GON4L: variants seen among roughly 807,000 people sequenced by gnomAD.
GON4L encodes the protein gon-4 like.
In GON4L, 87 loss-of-function variants were observed where a neutral mutation model predicts 211.8. The observed-to-expected ratio is 0.41, with a 90% CI of 0.35 to 0.49. The LOEUF is 0.49. GON4L is among the 20% of genes least tolerant of loss of function. GON4L has a pLI of 0.15. For missense variants in GON4L, 2,155 were observed against 2,659.5 expected (o/e 0.81, Z 4.17); for synonymous variants, 875 against 962.6 (o/e 0.91, Z 1.68).
rs376326725 is a variant in GON4L at position 155,762,414 on chromosome 1, C to A, written c.4727-40G>T. 28 of 1,527,840 alleles carry A rather than the reference C, an allele frequency of 1.8e-5. No individual in the cohort carries two copies. The African/African-American group carries it at 3.1e-4, about 17-fold the overall frequency. 94.6% of individuals were successfully genotyped at this position (1,527,840 alleles called of 1,614,324 possible). ...GAAAAGGATTGTTTCCCTGTCCCTG[C>A]AACCTGTGTTCTTCCCATTCCACCA... On this transcript the variant is annotated intron_variant, in intron 22 of 31. Coordinates refer to ENST00000368331, the MANE Select transcript of GON4L (RefSeq NM_001282860.2).
At position 155,765,893 on chromosome 1, in the gene GON4L, A is replaced by G. The variant is rs1184845928; in HGVS notation, c.3580T>C (p.Leu1194=). 6.2e-7 allele frequency: 1 copy of G among 1,614,174 alleles called. No individual in the cohort carries two copies. Among genetic ancestry groups the G allele is most frequent in the South Asian group, 1.1e-5 (1 of 91,076 alleles). Residue 1194 remains leucine, a synonymous_variant, in exon 21 of 32, where the codon TTG becomes CTG. Coordinates refer to ENST00000368331, the MANE Select transcript of GON4L (RefSeq NM_001282860.2). ...GAGGAGGCCACAAGGGACTGGTTCAATGGACAGGGGAAGGAAGTAGGGTTA... is the reference window on the plus strand; with the variant it reads ...GAGGAGGCCACAAGGGACTGGTTCAGTGGACAGGGGAAGGAAGTAGGGTTA... The part of the protein sequence containing the change: ...LVNPTSFPCP[L]NQSLVASSVS...
chr1:155,826,681 T>C (rs1343716763), intron 3 of GON4L, among the ~76,000 whole-genome samples, 156 bp downstream of exon 3: 1 of 152,146 alleles, frequency 6.6e-6, no homozygotes, highest in Non-Finnish European at 1.5e-5. Context: ...TGGGTATTGA[T>C]AACATTCTCT....
rs751225287 is a variant in GON4L, at chr1:155,767,542, C to G, written c.2647-1G>C. 6.2e-7 allele frequency: 1 copy of G among 1,608,900 alleles called. No homozygotes were observed. Among genetic ancestry groups the G allele is most frequent in the Admixed American group, 1.7e-5 (1 of 59,720 alleles). On this transcript the variant is annotated splice_acceptor_variant, in intron 19 of 31. Coordinates refer to ENST00000368331, the MANE Select transcript of GON4L (RefSeq NM_001282860.2). LOFTEE classifies it high-confidence loss of function. ...GCAGCTGTTTGGTCTTCTTATAAAA[C>G]TTAACATGAAAAAAATGCGCATGAA...
intron 27 of GON4L, 147 bp from the exon 28 acceptor site, chr1:155,754,635 T>G: frequency 3.3e-6 from 2 of 601,454 alleles, no homozygotes; most frequent in Admixed American, 6.0e-5. Context: ...GTTCAAGGGA[T>G]TCTCCTGCCT....
Position 155,765,397 on chromosome 1 carries a change from C to G in GON4L, c.4076G>C (p.Gly1359Ala). The G allele has an allele frequency of 6.2e-7, 1 of 1,614,182 alleles. No individual in the cohort carries two copies. The highest frequency in any genetic ancestry group is 8.5e-7 in the Non-Finnish European group (1 of 1,180,012). The change falls in exon 21 of 32, where the codon GGT (glycine) becomes GCT (alanine). Residue 1359 changes from glycine (G) to alanine (A), a missense_variant. Gly to Ala is a moderately conservative substitution (Grantham distance 60, BLOSUM62 0). Transcript: ENST00000368331. Reference sequence around the variant, plus strand: ...ACTGCTCAACTCCTCGCTTGGGGCACCAGTGTCCAATTCCACAGCATGTTC... The same window carrying G: ...ACTGCTCAACTCCTCGCTTGGGGCAGCAGTGTCCAATTCCACAGCATGTTC... ...KVEHAVELDT[G>A]APSEELSSAG... is the part of the protein sequence containing the mutation.
In GON4L at chr1:155,752,539, G is replaced by A. The variant is rs775694674; in HGVS notation, c.5894C>T (p.Thr1965Ile). ...TGGGCCATCCAGGAGGAGCCGTTCTGTAACAGTCACTTCTCGAGGGGATGG... is the reference window on the plus strand; with the variant it reads ...TGGGCCATCCAGGAGGAGCCGTTCTATAACAGTCACTTCTCGAGGGGATGG... ...TLPSPREVTV[T>I]ERLLLDGPPP... The change falls in exon 30 of 32, where the codon ACA becomes ATA. Residue 1965 changes from threonine to isoleucine, a missense_variant. By Grantham distance (89) the Thr-to-Ile change is moderately conservative. Around this residue, in one of 6 missense-constraint regions of GON4L, gnomAD observed 455 missense variants for 504.6 expected, o/e 0.90. Transcript: ENST00000368331. The A allele has an allele frequency of 1.2e-6, 2 of 1,604,036 alleles. No individual in the cohort carries two copies. The highest frequency in any genetic ancestry group is 1.7e-6 in the Non-Finnish European group (2 of 1,175,134).
At chr1:155,776,582 T>A in intron 15 of GON4L, 101 bp from the exon 16 acceptor site, 1 of 925,672 alleles carries the variant, frequency 1.1e-6, no homozygotes, top group Non-Finnish European at 1.8e-6. Context: ...AAAGGATCTC[T>A]CTCTGTCACT....
chr1:155,792,759 T>C (rs1350848121), intron 12 of GON4L, among the ~76,000 whole-genome samples: 1 of 152,176 alleles, frequency 6.6e-6, no homozygotes, highest in Non-Finnish European at 1.5e-5. Context: ...TCTGTCCTTC[T>C]TGAAAGACTC....
intron 24 of GON4L, among the ~76,000 whole-genome samples, chr1:155,759,643 A>G (rs1661563900): frequency 6.6e-6 from 1 of 151,908 alleles, no homozygotes; most frequent in Non-Finnish European, 1.5e-5. Flanking sequence ...CAGAAGAGAA[A>G]ATGGGCATCA....
chr1:155,754,339 C>A, intron 28 of GON4L, 36 bp downstream of exon 28: 1 of 1,243,262 alleles, frequency 8.0e-7, no homozygotes, highest in Non-Finnish European at 1.2e-6. Context: ...CCCCCAGCAG[C>A]TCTGATACCC....
chr1:155,816,773 T>TAA (rs34370558), intron 6 of GON4L, among the ~76,000 whole-genome samples: 42,433 of 79,630 alleles, frequency 0.53, 12,097 homozygotes, highest in Non-Finnish European at 0.63. Flanking sequence ...TTTTTTTTCT[T>TAA]AAAAAAAAAA....
chr1:155,795,222 G>A (rs2101992703), intron 11 of GON4L, 71 bp from the exon 12 acceptor site: 1 of 902,344 alleles, frequency 1.1e-6, no homozygotes, highest in East Asian at 2.4e-5. Flanking sequence ...TTCCAATAAA[G>A]CACATTTATT....
At chr1:155,831,232 A>C (rs1326892829) in intron 2 of GON4L, among the ~76,000 whole-genome samples, 1 of 152,048 alleles carries the variant, frequency 6.6e-6, no homozygotes, top group Non-Finnish European at 1.5e-5. Context: ...CTAGGAGGTC[A>C]AGGCAGCAGT....
At position 155,853,428 on chromosome 1, in the gene GON4L, A is replaced by ATG; in HGVS notation, c.351_352dup (p.Ile118ThrfsTer18). On this transcript the variant is annotated frameshift_variant, in exon 2 of 32. Transcript: ENST00000368331. LOFTEE classifies it high-confidence loss of function. ...AGTAGCGTGGAGTTTTCCTTTACCA[A>ATG]TGTGTATATTAAGGGGGTGAAAAGA... 6.2e-7 allele frequency: 1 copy of ATG among 1,614,054 alleles called. No homozygotes were observed. The highest frequency in any genetic ancestry group is 8.5e-7 in the Non-Finnish European group (1 of 1,180,006).
chr1:155,789,334 C>T (rs766685675), intron 12 of GON4L, among the ~76,000 whole-genome samples: 3 of 151,972 alleles, frequency 2.0e-5, no homozygotes, highest in East Asian at 1.9e-4. Flanking sequence ...TCATTATATG[C>T]GTGCTGAAGT....
At chr1:155,842,523 CAA>C (rs71591917) in intron 2 of GON4L, among the ~76,000 whole-genome samples, 6 of 25,990 alleles carry the variant, frequency 2.3e-4, no homozygotes, top group East Asian at 9.6e-4. Flanking sequence ...GACTCCATCT[CAA>C]AAAAAAAAAA....
At chr1:155,808,860 C>T (rs752513687) in intron 10 of GON4L, among the ~76,000 whole-genome samples, 2 of 152,078 alleles carry the variant, frequency 1.3e-5, no homozygotes, top group East Asian at 3.9e-4. Flanking sequence ...GATCCACTCT[C>T]CTTGGCCTCC....
chr1:155,852,279 C>T (rs1338854959), intron 2 of GON4L, among the ~76,000 whole-genome samples: 1 of 152,072 alleles, frequency 6.6e-6, no homozygotes, highest in Admixed American at 6.5e-5. Context: ...TGTGCCCATA[C>T]CACTTTCTGT....
At chr1:155,804,002 T>C (rs1026038305) in intron 11 of GON4L, among the ~76,000 whole-genome samples, 1 of 152,194 alleles carries the variant, frequency 6.6e-6, no homozygotes, top group African/African-American at 2.4e-5. Context: ...AAGATAGAGT[T>C]AGGATTCTTT....
Sources: allele counts gnomAD v4.1 joint callset (sites outside exome capture counted in the v4.1 genomes callset), GRCh38; gene constraint gnomAD v4.1.1; regional missense constraint gnomAD v4.1.1; transcripts MANE v1.5; gene names NCBI Gene and HGNC (gene_info 2026-07-23, HGNC 2026-07-21).